The following RNMT variants were observed in gnomAD, a reference collection of about 807,000 sequenced individuals.
RNMT encodes the protein RNA guanine-7 methyltransferase, also known as mRNA cap guanine-N(7) methyltransferase.
RNMT carries 27 observed loss-of-function variants against 56.0 expected under a neutral mutation model. The observed-to-expected ratio is 0.48, with a 90% CI of 0.36 to 0.67. RNMT has a LOEUF of 0.67. Ranked by LOEUF, RNMT falls within the 30% of genes least tolerant of loss-of-function variation. The pLI, the probability that RNMT is intolerant of heterozygous loss-of-function variation, is 0.00. For synonymous variants in RNMT, 184 were observed against 176.2 expected (o/e 1.04, Z -0.35); for missense variants, 519 against 552.1 (o/e 0.94, Z 0.60).
intron 5 of RNMT, among the ~76,000 whole-genome samples, chr18:13,737,655 T>C (rs754228312): frequency 2.6e-5 from 4 of 151,230 alleles, no homozygotes; most frequent in Non-Finnish European, 4.4e-5. Flanking sequence ...ATGGTCGGAG[T>C]CATGTCTAAA....
rs2044437792 is a variant in RNMT at position 13,751,164 on chromosome 18, TATC to T, written c.1258-1157_1258-1155del. Among the ~76,000 whole-genome samples, 5 of 152,310 alleles carry T rather than the reference TATC, an allele frequency of 3.3e-5. No individual in the cohort carries two copies. In the South Asian group the frequency reaches 1.0e-3, roughly 32 times the overall value. Reference sequence around the variant, plus strand: ...TGTACTTATGCACAGCAAAAGAAACTATCATCAGAGTGAACAGGCAACCTACAG... The same window carrying T: ...TGTACTTATGCACAGCAAAAGAAACTATCAGAGTGAACAGGCAACCTACAG... On this transcript the variant is annotated intron_variant, in intron 9 of 11. Coordinates refer to ENST00000383314, the MANE Select transcript of RNMT (RefSeq NM_003799.3).
Position 13,760,046 on chromosome 18 carries a change from T to A in RNMT, c.*67T>A. 2 of 1,573,446 alleles carry A rather than the reference T, an allele frequency of 1.3e-6. No individual in the cohort carries two copies. On this transcript the variant is annotated 3_prime_UTR_variant, in exon 12 of 12. Coordinates refer to ENST00000383314, the MANE Select transcript of RNMT (RefSeq NM_003799.3). ...CACAAATTTGAACAACTCATCTCGA[T>A]ATATTTGATATTTCTCTGTCTGTTG...
chr18:13,745,765 G>GA (rs200194181), intron 8 of RNMT, among the ~76,000 whole-genome samples: 79 of 143,478 alleles, frequency 5.5e-4, no homozygotes, highest in Admixed American at 1.7e-3. Context: ...AAGTGAAAAG[G>GA]AAAAAAAAAA....
At position 13,746,224 on chromosome 18, in the gene RNMT, G is replaced by A; in HGVS notation, c.1144G>A (p.Ala382Thr). 2.7e-6 allele frequency: 4 copies of A among 1,459,188 alleles called. No homozygotes were observed. The highest frequency in any genetic ancestry group is 2.1e-5 in the Admixed American group (1 of 47,538). 90.4% of individuals were successfully genotyped at this position (1,459,188 alleles called of 1,614,324 possible). A position where few individuals can be genotyped will look rare whatever the true frequency, so the allele number is the denominator to read the frequency against. The change falls in exon 9 of 12, where the codon GCA (alanine) becomes ACA (threonine). Residue 382 changes from alanine (A) to threonine (T), a missense_variant. Coordinates refer to ENST00000383314, the MANE Select transcript of RNMT (RefSeq NM_003799.3). ...LVYFPLLNEM[A>T]KKYNMKLVYK... is the part of the protein sequence containing the mutation. ...TAAGTATTCTTTTTTGGACAGAATGGCAAAGAAGTACAATATGAAACTAGT... is the reference window on the plus strand; with the variant it reads ...TAAGTATTCTTTTTTGGACAGAATGACAAAGAAGTACAATATGAAACTAGT...
intron 11 of RNMT, among the ~76,000 whole-genome samples, chr18:13,754,755 C>G (rs12969720): frequency 0.89 from 135,556 of 152,252 alleles, 60,418 homozygotes; most frequent in East Asian, 0.97. Flanking sequence ...CAGATTTCTA[C>G]TGGAATTTTT....
At chr18:13,728,976 G>C (rs900959145) in intron 1 of RNMT, among the ~76,000 whole-genome samples, 1 of 152,058 alleles carries the variant, frequency 6.6e-6, no homozygotes, top group South Asian at 2.1e-4. Flanking sequence ...TTTTTAGCTT[G>C]ATGTAATCCC....
chr18:13,728,091 C>G (rs892714998), intron 1 of RNMT, among the ~76,000 whole-genome samples: 1 of 152,058 alleles, frequency 6.6e-6, no homozygotes, highest in Non-Finnish European at 1.5e-5. Context: ...GATCTGTACC[C>G]AGATTTGCAA....
chr18:13,741,980 C>A (rs922541826), intron 7 of RNMT, among the ~76,000 whole-genome samples: 1 of 152,152 alleles, frequency 6.6e-6, no homozygotes, highest in Non-Finnish European at 1.5e-5. Flanking sequence ...GAGAGTGATA[C>A]CTACTTCCAG....
Position 13,754,123 on chromosome 18 carries a change from A to T in RNMT, c.1369A>T (p.Ser457Cys), listed in dbSNP as rs1310244170. 6.4e-7 allele frequency: 1 copy of T among 1,556,248 alleles called. No individual in the cohort carries two copies. The highest frequency in any genetic ancestry group is 1.7e-5 in the Admixed American group (1 of 59,550). ...TCTTTTGTAATTTTAGGGAACCTTAAGTAAATCAGAATGGGAAGCTACAAG... is the reference window on the plus strand; with the variant it reads ...TCTTTTGTAATTTTAGGGAACCTTATGTAAATCAGAATGGGAAGCTACAAG... Reference protein sequence around the residue: ...SQVRLPLGTLSKSEWEATSIY... With the variant: ...SQVRLPLGTLCKSEWEATSIY... The change falls in exon 11 of 12, where the codon AGT becomes TGT. Residue 457 changes from serine to cysteine, a missense_variant. Transcript: ENST00000383314.
In RNMT at chr18:13,763,906, T is replaced by A. The variant is rs1178617206; in HGVS notation, c.*3927T>A. On this transcript the variant is annotated 3_prime_UTR_variant, in exon 12 of 12. Transcript: ENST00000383314. Reference sequence around the variant, plus strand: ...CTTAGATGTTCCCTGAGAGGAGTGTTTATTTCTGAGTAAGGGGCTTTGTTG... The same window carrying A: ...CTTAGATGTTCCCTGAGAGGAGTGTATATTTCTGAGTAAGGGGCTTTGTTG... 6.6e-6 allele frequency: 1 copy of A among 152,240 alleles called. No homozygotes were observed. The highest frequency in any genetic ancestry group is 1.5e-5 in the Non-Finnish European group (1 of 68,102). The allele number at this position is 152,240 out of a possible 1,614,324, so 9.4% of individuals were successfully genotyped here.
At chr18:13,745,669 G>A (rs919658913) in intron 8 of RNMT, among the ~76,000 whole-genome samples, 3 of 151,416 alleles carry the variant, frequency 2.0e-5, no homozygotes, top group Non-Finnish European at 4.4e-5. Flanking sequence ...CTGAACTACC[G>A]ATAGCTGGGG....
At chr18:13,734,861 G>C (rs564354556) in intron 4 of RNMT, among the ~76,000 whole-genome samples, 11 of 152,108 alleles carry the variant, frequency 7.2e-5, no homozygotes, top group Non-Finnish European at 1.3e-4. Flanking sequence ...AATAGTTTTG[G>C]AGCAACTGCA....
Position 13,758,062 on chromosome 18 carries a change from T to C in RNMT, c.1394-1880T>C, listed in dbSNP as rs544180617. Among the ~76,000 whole-genome samples, 43 of 152,300 alleles carry C rather than the reference T, an allele frequency of 2.8e-4. 1 individual carries two copies. The highest frequency in any genetic ancestry group is 9.4e-4 in the African/African-American group (39 of 41,560). ...ATTTTATTTTTCTGAGCAGTAGGTC[T>C]CAACAGTGGGCCTAAAATACTCAGT... On this transcript the variant is annotated intron_variant, in intron 11 of 11. Coordinates refer to ENST00000383314, the MANE Select transcript of RNMT (RefSeq NM_003799.3).
Position 13,752,380 on chromosome 18 carries a change from G to A in RNMT, c.1312G>A (p.Glu438Lys). The A allele has an allele frequency of 6.2e-7, 1 of 1,613,342 alleles. No homozygotes were observed. The highest frequency in any genetic ancestry group is 8.5e-7 in the Non-Finnish European group (1 of 1,179,478). The change falls in exon 10 of 12, where the codon GAA becomes AAA. Residue 438 changes from glutamate (E) to lysine (K), a missense_variant. Glu to Lys is a moderately conservative substitution (Grantham distance 56). Coordinates refer to ENST00000383314, the MANE Select transcript of RNMT (RefSeq NM_003799.3). ...KLVSEKVDDY[E>K]HAAKYMKNSQ... Reference sequence around the variant, plus strand: ...TGTCTCTGAGAAGGTGGATGACTATGAACATGCAGCAAAGTACATGAAGAA... The same window carrying A: ...TGTCTCTGAGAAGGTGGATGACTATAAACATGCAGCAAAGTACATGAAGAA...
intron 6 of RNMT, among the ~76,000 whole-genome samples, chr18:13,740,913 G>A (rs6505838): frequency 0.86 from 130,476 of 152,228 alleles, 56,009 homozygotes; most frequent in East Asian, 0.95. Context: ...TAATTTATTA[G>A]TTTCCCAACA....
At chr18:13,742,227 C>T (rs1352571826) in intron 7 of RNMT, among the ~76,000 whole-genome samples, 2 of 151,722 alleles carry the variant, frequency 1.3e-5, no homozygotes, top group Non-Finnish European at 2.9e-5. Context: ...AGTCCTTGCT[C>T]AGGAGGCTGA....
At chr18:13,753,742 G>C (rs1181874332) in intron 10 of RNMT, among the ~76,000 whole-genome samples, 1 of 151,104 alleles carries the variant, frequency 6.6e-6, no homozygotes, top group Non-Finnish European at 1.5e-5. Context: ...CTGCCCTCCA[G>C]TCTGGGCGAC....
At position 13,761,142 on chromosome 18, in the gene RNMT, C is replaced by T; in HGVS notation, c.*1163C>T. On this transcript the variant is annotated 3_prime_UTR_variant, in exon 12 of 12. Coordinates refer to ENST00000383314, the MANE Select transcript of RNMT (RefSeq NM_003799.3). ...ACTTGTTTTAAAAACATAGTGTCTT[C>T]ATTAGTGTGCATCTATTAACTGTTC... The T allele has an allele frequency of 2.0e-6, 2 of 985,384 alleles. No homozygotes were observed. The highest frequency in any genetic ancestry group is 2.4e-6 in the Non-Finnish European group (2 of 829,870). 61.0% of individuals were successfully genotyped at this position (985,384 alleles called of 1,614,324 possible).
intron 11 of RNMT, among the ~76,000 whole-genome samples, chr18:13,755,591 GA>G (rs1418064418): frequency 1.3e-5 from 2 of 152,200 alleles, no homozygotes; most frequent in African/African-American, 2.4e-5. Flanking sequence ...TAGAGAAGAA[GA>G]GGAAAGGAGT....
Sources: allele counts gnomAD v4.1 joint callset (sites outside exome capture counted in the v4.1 genomes callset), GRCh38; gene constraint gnomAD v4.1.1; transcripts MANE v1.5; gene names NCBI Gene and HGNC (gene_info 2026-07-23, HGNC 2026-07-21).